Variants in NME9 observed in about 807,000 individuals in gnomAD.
NME9 encodes thioredoxin domain-containing protein 6.
In NME9, 48 loss-of-function variants were observed where a neutral mutation model predicts 44.4. The observed-to-expected ratio is 1.08, with a 90% CI of 0.86 to 1.37. The LOEUF (loss-of-function observed/expected upper bound fraction) is 1.37, where lower values mean the gene tolerates loss of function less well. NME9 is among the 40% of genes most tolerant of loss of function. NME9 has a pLI of 0.00. For synonymous variants in NME9, 139 were observed against 147.1 expected (o/e 0.94, Z 0.40); for missense variants, 325 against 405.2 (o/e 0.80, Z 1.70).
chr3:138,277,273 C>T (rs1169220211), intron 8 of NME9, among the ~76,000 whole-genome samples: 2 of 152,058 alleles, frequency 1.3e-5, no homozygotes, highest in Admixed American at 1.3e-4. Flanking sequence ...TACTGATAGA[C>T]ATAACATAAA....
chr3:138,280,031 G>A (rs1386800868), intron 8 of NME9, among the ~76,000 whole-genome samples: 2 of 151,694 alleles, frequency 1.3e-5, no homozygotes, highest in African/African-American at 2.4e-5. Flanking sequence ...CACCTCCCAA[G>A]TAGCTGGGAT....
intron 6 of NME9, among the ~76,000 whole-genome samples, chr3:138,311,564 A>T (rs990342816): frequency 6.6e-6 from 1 of 152,226 alleles, no homozygotes; most frequent in African/African-American, 2.4e-5. Flanking sequence ...CATCCCAGGG[A>T]TGTAAAAAGG....
At chr3:138,270,986 T>C (rs2048735852) in intron 8 of NME9, among the ~76,000 whole-genome samples, 1 of 152,192 alleles carries the variant, frequency 6.6e-6, no homozygotes, top group Non-Finnish European at 1.5e-5. Context: ...TATATTCACT[T>C]TACAAATGGG....
intron 2 of NME9, among the ~76,000 whole-genome samples, chr3:138,322,148 T>A (rs1358822546): frequency 2.0e-5 from 3 of 152,114 alleles, no homozygotes; most frequent in African/African-American, 7.2e-5. Context: ...CAGGAAAATG[T>A]CCCTGAAGAC....
intron 1 of NME9, among the ~76,000 whole-genome samples, chr3:138,325,796 ATTTTT>A (rs35102089): frequency 7.1e-6 from 1 of 140,334 alleles, no homozygotes; most frequent in Non-Finnish European, 1.5e-5. Context: ...AGATTTAGGG[ATTTTT>A]TTTTTTTTTT....
At chr3:138,294,941 C>T (rs1200583154) in intron 8 of NME9, among the ~76,000 whole-genome samples, 9 of 150,754 alleles carry the variant, frequency 6.0e-5, no homozygotes, top group African/African-American at 2.2e-4. Flanking sequence ...TCTTGTCGCA[C>T]AGGCTGGAGT....
chr3:138,265,710 T>G (rs1374514144), intron 8 of NME9, among the ~76,000 whole-genome samples: 6 of 151,834 alleles, frequency 4.0e-5, no homozygotes, highest in Admixed American at 3.9e-4. Flanking sequence ...CAAGTATACC[T>G]TTATGACTCT....
At chr3:138,270,146 T>C (rs763705728) in intron 8 of NME9, 1 of 1,542,906 alleles carries the variant, frequency 6.5e-7, no homozygotes, top group East Asian at 2.2e-5. Context: ...CGTTTCACTT[T>C]TATATATATC....
intron 8 of NME9, chr3:138,295,711 C>T (rs2108409190): frequency 1.4e-6 from 1 of 710,478 alleles, no homozygotes; most frequent in African/African-American, 1.8e-5. Context: ...ATCTCTTCCC[C>T]TTAAGGTAGG....
chr3:138,325,132 A>T (rs1268630485), intron 1 of NME9, among the ~76,000 whole-genome samples: 1 of 152,238 alleles, frequency 6.6e-6, no homozygotes, highest in East Asian at 1.9e-4. Flanking sequence ...AGAATGATGT[A>T]TACTAGTCTC....
rs1013280098 is a variant in NME9 at position 138,275,771 on chromosome 3, T to A, written c.746-13185A>T. Among the ~76,000 whole-genome samples the A allele has an allele frequency of 1.1e-4, 16 of 152,166 alleles. No homozygotes were observed. The East Asian group carries it at 2.9e-3, about 27-fold the overall frequency. The stretch of plus-strand genomic sequence containing the variant: ...GTAGGTCTTAGGAGCTGCAATTGAA[T>A]TTGTGAGCAAAAAGTTGGTAGGTTT... On this transcript the variant is annotated intron_variant, in intron 8 of 8. Transcript: ENST00000317876.
At chr3:138,262,563 A>T in exon 9 of NME9, 1 of 1,612,532 alleles carries the variant, frequency 6.2e-7, no homozygotes, top group South Asian at 1.1e-5. Flanking sequence ...GTGATCTTCA[A>T]CCTTGGCTGT....
At chr3:138,266,142 A>G (rs1310981284) in intron 8 of NME9, among the ~76,000 whole-genome samples, 1 of 152,142 alleles carries the variant, frequency 6.6e-6, no homozygotes, top group African/African-American at 2.4e-5. Flanking sequence ...ATTTTCATCC[A>G]TTGGCACATC....
intron 6 of NME9, among the ~76,000 whole-genome samples, chr3:138,308,725 A>C (rs941391524): frequency 6.6e-6 from 1 of 152,140 alleles, no homozygotes; most frequent in African/African-American, 2.4e-5. Context: ...TGAAAGTCAC[A>C]CGTGTTATAT....
At chr3:138,311,334 A>C (rs114473160) in intron 6 of NME9, among the ~76,000 whole-genome samples, 1 of 152,184 alleles carries the variant, frequency 6.6e-6, no homozygotes, top group Admixed American at 6.5e-5. Flanking sequence ...ACTAATACCA[A>C]TTATACTCAA....
intron 9 of NME9, among the ~76,000 whole-genome samples, chr3:138,304,595 C>T (rs1037673280): frequency 6.6e-6 from 1 of 152,030 alleles, no homozygotes; most frequent in Non-Finnish European, 1.5e-5. Context: ...ATCCTCTGGC[C>T]GAAAAGAGAA....
chr3:138,326,186 G>C (rs1300428519), intron 1 of NME9, among the ~76,000 whole-genome samples: 1 of 152,158 alleles, frequency 6.6e-6, no homozygotes, highest in East Asian at 1.9e-4. Flanking sequence ...TGTTTGGACT[G>C]GTTGAAATTG....
At chr3:138,271,798 C>CTTTTTTTT (rs776320900) in intron 8 of NME9, among the ~76,000 whole-genome samples, 3 of 136,134 alleles carry the variant, frequency 2.2e-5, no homozygotes, top group African/African-American at 8.5e-5. Context: ...TTTTTTCTTT[C>CTTTTTTTT]TTTTTTTTTT....
chr3:138,302,762 T>C (rs2051936397), intron 10 of NME9, among the ~76,000 whole-genome samples: 1 of 152,212 alleles, frequency 6.6e-6, no homozygotes, highest in Non-Finnish European at 1.5e-5. Flanking sequence ...GACACACATT[T>C]CAGATGTGAA....
Sources: allele counts gnomAD v4.1 joint callset (sites outside exome capture counted in the v4.1 genomes callset), GRCh38; gene constraint gnomAD v4.1.1; transcripts MANE v1.5; gene names NCBI Gene and HGNC (gene_info 2026-07-23, HGNC 2026-07-21).